The following DPF1 variants were observed in gnomAD, a reference collection of about 807,000 sequenced individuals.
DPF1 encodes the protein zinc finger protein neuro-d4.
In DPF1, 14 loss-of-function variants were observed where a neutral mutation model predicts 58.7. The observed-to-expected ratio is 0.24, with a 90% CI of 0.16 to 0.37. The LOEUF (loss-of-function observed/expected upper bound fraction) is 0.37. DPF1 is among the 10% of genes least tolerant of loss of function. DPF1 has a pLI of 1.00. For missense variants in DPF1, 345 were observed against 529.9 expected (o/e 0.65, Z 3.43); for synonymous variants, 216 against 216.0 (o/e 1.00, Z 0.00).
chr19:38,214,253 C>A (rs1039644686), intron 9 of DPF1, among the ~76,000 whole-genome samples: 1 of 152,146 alleles, frequency 6.6e-6, no homozygotes, highest in Non-Finnish European at 1.5e-5. Context: ...ACTTGGTGCC[C>A]CAGCAACAAA....
chr19:38,228,075 G>T (rs137904622), upstream of DPF1: 2 of 152,622 alleles, frequency 1.3e-5, no homozygotes, highest in Non-Finnish European at 2.9e-5. Flanking sequence ...GCCATTTTGC[G>T]GATGTCCCCT....
upstream of DPF1, among the ~76,000 whole-genome samples, chr19:38,224,700 G>A (rs1170972273): frequency 6.6e-6 from 1 of 152,044 alleles, no homozygotes; most frequent in Non-Finnish European, 1.5e-5. The surrounding 1 kb of genome is among the most constrained non-coding windows in gnomAD (Gnocchi z 4.5). Flanking sequence ...ACCCGGGGCT[G>A]TCTCTCCCAG....
chr19:38,214,294 G>A (rs1973684003), intron 9 of DPF1, among the ~76,000 whole-genome samples: 1 of 152,144 alleles, frequency 6.6e-6, no homozygotes, highest in South Asian at 2.1e-4. Flanking sequence ...ACTGTGCAGC[G>A]CCAGGCTTAG....
upstream of DPF1, among the ~76,000 whole-genome samples, chr19:38,225,574 GCAAACAAA>G (rs113225836): frequency 5.4e-5 from 8 of 148,486 alleles, no homozygotes; most frequent in Admixed American, 3.4e-4. Flanking sequence ...GTCTCTAAAA[GCAAACAAA>G]CAAACAAACA....
chr19:38,217,207 C>G (rs548841666), intron 7 of DPF1, among the ~76,000 whole-genome samples: 21 of 152,188 alleles, frequency 1.4e-4, no homozygotes, highest in Middle Eastern at 3.4e-3. Flanking sequence ...CCATCTATCA[C>G]CCCCCCTCCC....
chr19:38,216,091 G>C (rs779871056), intron 9 of DPF1, 49 bp downstream of exon 9: 1 of 1,572,870 alleles, frequency 6.4e-7, no homozygotes, highest in Non-Finnish European at 8.6e-7. Context: ...CTGCACTCCT[G>C]AATGTCCTCT....
rs995135326 is a variant in DPF1 at position 38,217,566 on chromosome 19, C to T, written c.621G>A (p.Arg207=). The T allele has an allele frequency of 6.4e-7, 1 of 1,551,312 alleles. No individual in the cohort carries two copies. The highest frequency in any genetic ancestry group is 8.7e-7 in the Non-Finnish European group (1 of 1,146,810). Residue 207 remains arginine (R), a synonymous_variant, in exon 7 of 12, where the codon CGG becomes CGA. Coordinates refer to ENST00000355526, the MANE Select transcript of DPF1 (RefSeq NM_001135155.3). ...GGGTGTAGTGGTAGCTGAGCCCCGG[C>T]CGGTTCTTATACCGTTTCCCACAGA... The part of the protein sequence containing the change: ...CDICGKRYKN[R]PGLSYHYTHT...
chr19:38,217,478 G>C lies in DPF1; in HGVS notation c.709C>G (p.Arg237Gly), dbSNP rs969513094. The C allele has an allele frequency of 1.3e-6, 2 of 1,541,980 alleles. No individual in the cohort carries two copies. Among genetic ancestry groups the C allele is most frequent in the Non-Finnish European group, 1.7e-6 (2 of 1,143,644 alleles). ...NAERHALPFH[R>G]KNNHKQFYKE... The stretch of plus-strand genomic sequence containing the variant: ...AGCTCACGTTTATGGTTGTTTTTCC[G>C]GTGGAAGGGCAGGGCGTGGCGTTCG... The change falls in exon 7 of 12, where the codon CGG (arginine) becomes GGG (glycine). Residue 237 changes from arginine (R) to glycine (G), a missense_variant. Transcript: ENST00000355526.
chr19:38,213,824 G>A (rs563170050), intron 9 of DPF1, 68 bp from the exon 10 acceptor site: 3 of 1,374,278 alleles, frequency 2.2e-6, no homozygotes, highest in Admixed American at 1.8e-5. Flanking sequence ...GACCGGCAGG[G>A]GAGCCATAGC....
In DPF1 at chr19:38,217,782, C is replaced by T; in HGVS notation, c.595+16G>A. 1 of 1,614,022 alleles carries T rather than the reference C, an allele frequency of 6.2e-7. No individual in the cohort carries two copies. Among genetic ancestry groups the T allele is most frequent in the Non-Finnish European group, 8.5e-7 (1 of 1,179,990 alleles). On this transcript the variant is annotated intron_variant, in intron 6 of 11. Coordinates refer to ENST00000355526, the MANE Select transcript of DPF1 (RefSeq NM_001135155.3). ...CACCCCTCTCTCTGCCTTTCCCCCT[C>T]TTCAGAAGGACTCACTATCACAGAC... is the stretch of plus-strand genomic sequence containing the variant.
chr19:38,226,539 CT>C (rs869226946), upstream of DPF1, among the ~76,000 whole-genome samples: 8 of 148,744 alleles, frequency 5.4e-5, no homozygotes, highest in Admixed American at 2.0e-4. Context: ...CACACACACA[CT>C]CCTCTAGTCT....
At chr19:38,212,237 T>TGGGGGGGGGGGGGGGGC in intron 11 of DPF1, 43 bp downstream of exon 11, 14 of 1,256,676 alleles carry the variant, frequency 1.1e-5, no homozygotes, top group Non-Finnish European at 1.5e-5. Context: ...GGAGATGGCG[T>TGGGGGGGGGGGGGGGGC]TCCCACCCAC....
chr19:38,213,761 G>A lies in DPF1; in HGVS notation c.899-5C>T, dbSNP rs775136585. On this transcript the variant is annotated splice_region_variant and splice_polypyrimidine_tract_variant and intron_variant, in intron 9 of 11. Coordinates refer to ENST00000355526, the MANE Select transcript of DPF1 (RefSeq NM_001135155.3). ...ATTGTAAACACGAGGGGTGTCCTGG[G>A]GGCCAAGGGGCAGGGGTGCAGTTAG... The A allele has an allele frequency of 3.0e-5, 48 of 1,612,666 alleles. No individual in the cohort carries two copies. The highest frequency in any genetic ancestry group is 1.8e-4 in the South Asian group (16 of 91,016).
At chr19:38,229,686 C>T (rs1327265360), upstream of DPF1, 5 of 530,246 alleles carry the variant, frequency 9.4e-6, no homozygotes, top group East Asian at 5.9e-4. The surrounding 1 kb of genome is among the most constrained non-coding windows in gnomAD (Gnocchi z 5.3). Flanking sequence ...GCCCAGCGCG[C>T]TACGATTTCA....
intron 10 of DPF1, among the ~76,000 whole-genome samples, chr19:38,212,674 C>T (rs1028005874): frequency 2.0e-5 from 3 of 151,318 alleles, no homozygotes; most frequent in Non-Finnish European, 2.9e-5. Context: ...TGCGGTGGTG[C>T]AGTCACAGCT....
At chr19:38,213,992 G>A (rs989292772) in intron 9 of DPF1, 10 of 531,626 alleles carry the variant, frequency 1.9e-5, no homozygotes, top group African/African-American at 7.6e-5. Flanking sequence ...TCCCCAGAAC[G>A]CCATGGCAAC....
chr19:38,214,802 G>T (rs913659269), intron 9 of DPF1, among the ~76,000 whole-genome samples: 1 of 150,914 alleles, frequency 6.6e-6, no homozygotes, highest in African/African-American at 2.4e-5. Flanking sequence ...GAGTAGCTGG[G>T]ACTAATGGGG....
chr19:38,219,870 A>G (rs1159596983), intron 3 of DPF1: 3 of 152,254 alleles, frequency 2.0e-5, no homozygotes, highest in East Asian at 1.9e-4. Flanking sequence ...CCATGGGTAC[A>G]CTCAGAAATG....
At chr19:38,223,844 A>C (rs1329486292) in intron 1 of DPF1, 1 of 356,148 alleles carries the variant, frequency 2.8e-6, no homozygotes, top group Non-Finnish European at 5.0e-6. Flanking sequence ...AGTCTCTCCC[A>C]GACCCGAGGG....
Sources: gnomAD v4.1 joint callset for allele counts (sites outside exome capture counted in the v4.1 genomes callset) on GRCh38, gnomAD v4.1.1 for gene constraint, Gnocchi (gnomAD v3.1) non-coding constraint, MANE v1.5 for transcripts, NCBI Gene and HGNC (gene_info 2026-07-23, HGNC 2026-07-21) for gene names.